The following CCDC180 variants were observed in gnomAD, a reference collection of about 807,000 sequenced individuals.
CCDC180 encodes the protein coiled-coil domain-containing protein 180.
In CCDC180, 154 loss-of-function variants were observed where a neutral mutation model predicts 209.2. That is an observed-to-expected ratio of 0.74 (90% CI 0.65 to 0.84). The LOEUF is 0.84. CCDC180 is among the 40% of genes least tolerant of loss of function. CCDC180 has a pLI of 0.00. For synonymous variants in CCDC180, 778 were observed against 749.1 expected (o/e 1.04, Z -0.63); for missense variants, 1,874 against 1,997.3 (o/e 0.94, Z 1.18).
At chr9:97,335,075 A>T (rs2118720025) in intron 18 of CCDC180, among the ~76,000 whole-genome samples, 1 of 152,148 alleles carries the variant, frequency 6.6e-6, no homozygotes, top group East Asian at 1.9e-4. Context: ...ACACATTTTT[A>T]CACCCAGCCT....
intron 22 of CCDC180, among the ~76,000 whole-genome samples, chr9:97,352,398 C>G (rs1826445652): frequency 6.6e-6 from 1 of 152,122 alleles, no homozygotes; most frequent in African/African-American, 2.4e-5. Context: ...GGTGTGGTGT[C>G]AACTCCAGTC....
chr9:97,376,968 T>C lies in CCDC180; in HGVS notation c.*74T>C, dbSNP rs1216967697. The C allele has an allele frequency of 5.9e-6, 9 of 1,512,940 alleles. No homozygotes were observed. In the East Asian group the frequency reaches 1.4e-4, roughly 24 times the overall value. The allele number at this position is 1,512,940 out of a possible 1,614,324, so 93.7% of individuals were successfully genotyped here. On this transcript the variant is annotated 3_prime_UTR_variant, in exon 37 of 37. Coordinates refer to ENST00000529487, the MANE Select transcript of CCDC180 (RefSeq NM_020893.6). ...TGTCCATCTACCTGCCTACCTACTT[T>C]CCGTCCATCCCTCCCTCCCTTCATC...
chr9:97,373,689 C>T (rs1411130627), intron 34 of CCDC180: 1 of 152,246 alleles, frequency 6.6e-6, no homozygotes, highest in Non-Finnish European at 1.5e-5. Flanking sequence ...TTTCCCACTC[C>T]TGTAATTGTG....
chr9:97,365,266 C>T (rs1826884968), intron 29 of CCDC180: 1 of 165,746 alleles, frequency 6.0e-6, no homozygotes, highest in African/African-American at 2.4e-5. Context: ...CCGTGTCAGC[C>T]TGATGGCCTC....
Position 97,314,421 on chromosome 9 carries a change from G to T in CCDC180, c.488G>T (p.Gly163Val), listed in dbSNP as rs766285684. ...KEMEPLIVDTGGLFLKKLTES... is the reference protein window; with the variant it reads ...KEMEPLIVDTVGLFLKKLTES... ...ATGGAACCTCTCATCGTGGACACAG[G>T]GGGACTTTTTTTGAAGAAGCTGACT... The change falls in exon 6 of 37, where the codon GGG becomes GTG. Residue 163 changes from glycine to valine, a missense_variant. Physicochemically the swap from Gly to Val is moderately radical, Grantham distance 109. Coordinates refer to ENST00000529487, the MANE Select transcript of CCDC180 (RefSeq NM_020893.6). 6.2e-7 allele frequency: 1 copy of T among 1,614,100 alleles called. No homozygotes were observed. The highest frequency in any genetic ancestry group is 1.1e-5 in the South Asian group (1 of 91,074).
chr9:97,343,627 T>TAAAA, intron 19 of CCDC180, 64 bp downstream of exon 19: 1 of 936,286 alleles, frequency 1.1e-6, no homozygotes, highest in Non-Finnish European at 1.5e-6. Context: ...GGTGAAATAT[T>TAAAA]AAAAAAAAAA....
intron 22 of CCDC180, among the ~76,000 whole-genome samples, chr9:97,352,923 G>A (rs950359059): frequency 1.3e-5 from 2 of 149,680 alleles, no homozygotes; most frequent in Non-Finnish European, 3.0e-5. Flanking sequence ...GTTTCCATTT[G>A]TAGATATATA....
chr9:97,330,552 G>C lies in CCDC180; in HGVS notation c.2059G>C (p.Glu687Gln). ...GCATGCTAAGATGGATGAGTCCAAA[G>C]AAGGCTCTATTCAGGGACTGGAAGA... is the stretch of plus-strand genomic sequence containing the variant. ...PLHAKMDESK[E>Q]GSIQGLEEMQ... The change falls in exon 18 of 37, where the codon GAA becomes CAA. Residue 687 changes from glutamate to glutamine, a missense_variant. Glu to Gln is a conservative substitution (Grantham distance 29, BLOSUM62 2). Coordinates refer to ENST00000529487, the MANE Select transcript of CCDC180 (RefSeq NM_020893.6). 2 of 1,614,200 alleles carry C rather than the reference G, an allele frequency of 1.2e-6. No individual in the cohort carries two copies. The highest frequency in any genetic ancestry group is 8.5e-7 in the Non-Finnish European group (1 of 1,180,050).
intron 14 of CCDC180, 54 bp downstream of exon 14, chr9:97,325,246 A>C: frequency 9.4e-5 from 143 of 1,514,376 alleles, no homozygotes; most frequent in Non-Finnish European, 1.2e-4. Flanking sequence ...CAATGAACTC[A>C]AACAGATCCT....
intron 18 of CCDC180, among the ~76,000 whole-genome samples, chr9:97,333,144 TTCTG>T (rs762027054): frequency 3.2e-4 from 49 of 152,356 alleles, no homozygotes; most frequent in Middle Eastern, 3.4e-3. Flanking sequence ...TTGTTTTTAG[TTCTG>T]TCTATGTGAT....
intron 18 of CCDC180, among the ~76,000 whole-genome samples, chr9:97,332,126 C>T (rs1345033981): frequency 6.6e-6 from 1 of 152,124 alleles, no homozygotes; most frequent in East Asian, 1.9e-4. Flanking sequence ...GGCTACCCAG[C>T]ACCATTTATT....
chr9:97,377,255 T>G lies in CCDC180; in HGVS notation c.*361T>G, dbSNP rs1210891334. The G allele has an allele frequency of 5.9e-6, 1 of 169,518 alleles. No individual in the cohort carries two copies. The highest frequency in any genetic ancestry group is 2.4e-5 in the African/African-American group (1 of 42,026). 10.5% of individuals were successfully genotyped at this position (169,518 alleles called of 1,614,324 possible). A position where few individuals can be genotyped will look rare whatever the true frequency, so the allele number is the denominator to read the frequency against. On this transcript the variant is annotated 3_prime_UTR_variant, in exon 37 of 37. Coordinates refer to ENST00000529487, the MANE Select transcript of CCDC180 (RefSeq NM_020893.6). ...AATAAAGGTCATGGGAAAATGATAT[T>G]TTAATTTAACAGAATAAACAAGTAT...
intron 21 of CCDC180, 35 bp downstream of exon 21, chr9:97,349,326 T>G (rs1458788340): frequency 5.0e-5 from 76 of 1,520,178 alleles, no homozygotes; most frequent in Non-Finnish European, 6.5e-5. Context: ...CCCAGCCATG[T>G]GGCTCTGGAA....
chr9:97,369,135 T>C (rs1330223164), intron 31 of CCDC180: 1 of 152,122 alleles, frequency 6.6e-6, no homozygotes, highest in African/African-American at 2.4e-5. Flanking sequence ...GAAAGTAGAA[T>C]TGGTGAACTG....
At chr9:97,327,978 G>C (rs1471237628) in intron 15 of CCDC180, 42 bp from the exon 16 acceptor site, 2 of 1,592,624 alleles carry the variant, frequency 1.3e-6, no homozygotes, top group South Asian at 2.3e-5. Flanking sequence ...CAGGGGTGTG[G>C]TTCCTAGCTG....
At chr9:97,353,004 T>C (rs982500224) in intron 22 of CCDC180, among the ~76,000 whole-genome samples, 2 of 151,474 alleles carry the variant, frequency 1.3e-5, no homozygotes, top group Non-Finnish European at 1.5e-5. Flanking sequence ...TATATACGTA[T>C]ATATATATTT....
chr9:97,361,878 T>A lies in CCDC180; in HGVS notation c.3636T>A (p.Asp1212Glu). ...GKPLIEDPAV[D>E]VIRKLLQLPN... ...CCCTGATTGAGGACCCAGCTGTGGA[T>A]GTGATCAGGAAGCTCCTGCAGTGAG... Residue 1212 changes from aspartate to glutamate, a missense_variant, in exon 27 of 37, where the codon GAT (aspartate) becomes GAA (glutamate). Asp to Glu is a conservative substitution (Grantham distance 45). Transcript: ENST00000529487. 6.2e-7 allele frequency: 1 copy of A among 1,614,048 alleles called. No individual in the cohort carries two copies. The highest frequency in any genetic ancestry group is 8.5e-7 in the Non-Finnish European group (1 of 1,179,986).
At chr9:97,359,850 C>T (rs1042382228) in intron 25 of CCDC180, 132 bp from the exon 26 acceptor site, 5 of 1,184,522 alleles carry the variant, frequency 4.2e-6, no homozygotes, top group Admixed American at 2.1e-5. Context: ...GCCTTCCCTG[C>T]ATGTGAGGAG....
At chr9:97,340,452 T>A (rs1826043321) in intron 18 of CCDC180, among the ~76,000 whole-genome samples, 1 of 152,154 alleles carries the variant, frequency 6.6e-6, no homozygotes, top group Admixed American at 6.5e-5. Flanking sequence ...AAAACAAGAA[T>A]AGTTATGCCA....
Sources: allele counts gnomAD v4.1 joint callset (sites outside exome capture counted in the v4.1 genomes callset), GRCh38; gene constraint gnomAD v4.1.1; transcripts MANE v1.5; gene names NCBI Gene and HGNC (gene_info 2026-07-23, HGNC 2026-07-21).